The following ARHGEF7 variants were observed in gnomAD, a reference collection of about 807,000 sequenced individuals.
ARHGEF7 encodes PAK-interacting exchange factor beta.
Under a neutral mutation model 109.8 loss-of-function variants are expected in ARHGEF7, and 33 were observed. The ratio of observed to expected loss-of-function variants is 0.30; its 90% CI spans 0.23 to 0.40. The LOEUF is 0.40. ARHGEF7 is among the 10% of genes least tolerant of loss of function. The pLI is 1.00. For synonymous variants in ARHGEF7, 458 were observed against 424.6 expected (o/e 1.08, Z -0.97); for missense variants, 938 against 1,098.5 (o/e 0.85, Z 2.07).
chr13:111,186,679 GC>G (rs1397705452), intron 2 of ARHGEF7: 1 of 325,966 alleles, frequency 3.1e-6, no homozygotes, highest in Non-Finnish European at 4.4e-6. Context: ...TTTAAACTTT[GC>G]AAACCACACT....
chr13:111,166,164 T>G lies in ARHGEF7; in HGVS notation c.252+12173T>G, dbSNP rs530401055. Among the ~76,000 whole-genome samples, 17 of 152,326 alleles carry G rather than the reference T, an allele frequency of 1.1e-4. No homozygotes were observed. The East Asian group carries it at 3.3e-3, about 29-fold the overall frequency. ...GCTCCTGGCCAGTCTATCCTTGCTT[T>G]TCTCCAGACTGTTTTTTTCTGAAAC... On this transcript the variant is annotated intron_variant, in intron 2 of 21. Coordinates refer to ENST00000646102, the MANE Select transcript of ARHGEF7 (RefSeq NM_001354046.2).
chr13:111,302,957 A>T, intron 21 of ARHGEF7, 34 bp from the exon 22 acceptor site: 1 of 1,612,088 alleles, frequency 6.2e-7, no homozygotes, highest in Non-Finnish European at 8.5e-7. Flanking sequence ...GATGCCAAAG[A>T]TAGTGAACAC....
chr13:111,283,886 T>C (rs754581620), intron 16 of ARHGEF7, among the ~76,000 whole-genome samples: 2 of 152,266 alleles, frequency 1.3e-5, no homozygotes, highest in Non-Finnish European at 1.5e-5. Context: ...ATGCGGTCTT[T>C]GCTTGTCTCT....
intron 5 of ARHGEF7, among the ~76,000 whole-genome samples, chr13:111,231,985 T>C (rs897171122): frequency 3.9e-5 from 6 of 152,134 alleles, no homozygotes; most frequent in Non-Finnish European, 7.4e-5. Flanking sequence ...TCTGTAGCCC[T>C]GGAAAACCAG....
intron 2 of ARHGEF7, among the ~76,000 whole-genome samples, chr13:111,165,946 C>G (rs745443140): frequency 2.0e-5 from 3 of 152,142 alleles, no homozygotes; most frequent in Non-Finnish European, 4.4e-5. Context: ...CTGGGGAGAA[C>G]AATGGTGGTA....
chr13:111,275,474 C>T (rs754800673), intron 11 of ARHGEF7, 58 bp from the exon 12 acceptor site: 14 of 1,585,346 alleles, frequency 8.8e-6, no homozygotes, highest in African/African-American at 2.7e-5. Context: ...GCAATGTGGC[C>T]GGAACTTAAC....
rs2081716068 is a variant in ARHGEF7, at chr13:111,205,506, A to G, written c.337+133A>G. 12 of 587,784 alleles carry G rather than the reference A, an allele frequency of 2.0e-5. No individual in the cohort carries two copies. The South Asian group carries it at 3.2e-4, about 15-fold the overall frequency. 36.4% of individuals were successfully genotyped at this position (587,784 alleles called of 1,614,324 possible). On this transcript the variant is annotated intron_variant, in intron 3 of 21. Transcript: ENST00000646102. The stretch of plus-strand genomic sequence containing the variant: ...TAAGCTTTTGTTGCATTACGTTTTG[A>G]TTGTTCCTTTTGCTGTGATATTTTA...
At chr13:111,203,293 T>C in intron 2 of ARHGEF7, among the ~76,000 whole-genome samples, 1 of 152,246 alleles carries the variant, frequency 6.6e-6, no homozygotes, top group East Asian at 1.9e-4. Context: ...ATAAGGAAGC[T>C]GAGGCCTATT....
intron 2 of ARHGEF7, among the ~76,000 whole-genome samples, chr13:111,181,305 A>G (rs1013860344): frequency 1.5e-4 from 23 of 152,220 alleles, no homozygotes; most frequent in Admixed American, 1.2e-3. Flanking sequence ...TCCCAACTTC[A>G]AATTTTACAT....
At chr13:111,234,985 A>G (rs1395880781) in intron 6 of ARHGEF7, among the ~76,000 whole-genome samples, 1 of 152,176 alleles carries the variant, frequency 6.6e-6, no homozygotes, top group Non-Finnish European at 1.5e-5. Flanking sequence ...AGTTTTGTGT[A>G]CGTAGCTACA....
chr13:111,118,684 A>T (rs1026009993), intron 1 of ARHGEF7, among the ~76,000 whole-genome samples: 26 of 152,210 alleles, frequency 1.7e-4, no homozygotes, highest in African/African-American at 6.0e-4. Context: ...AAGGAGGTGA[A>T]ATCAAGATAC....
intron 13 of ARHGEF7, among the ~76,000 whole-genome samples, chr13:111,277,977 C>T (rs1279487934): frequency 1.3e-5 from 2 of 152,214 alleles, no homozygotes; most frequent in African/African-American, 2.4e-5. Flanking sequence ...ATACCTTGCT[C>T]CTCCTTGCTA....
chr13:111,261,540 G>T (rs1334156212), intron 8 of ARHGEF7, among the ~76,000 whole-genome samples: 1 of 152,110 alleles, frequency 6.6e-6, no homozygotes, highest in East Asian at 1.9e-4. Context: ...TTCAGCACTG[G>T]ACAGATCTTT....
At chr13:111,294,182 A>G (rs1338406481) in intron 19 of ARHGEF7, 2 of 985,340 alleles carry the variant, frequency 2.0e-6, no homozygotes, top group Non-Finnish European at 2.4e-6. Flanking sequence ...GAGAAATAAG[A>G]TAACTACAAA....
At chr13:111,161,194 G>A (rs2076714500) in intron 2 of ARHGEF7, among the ~76,000 whole-genome samples, 1 of 152,206 alleles carries the variant, frequency 6.6e-6, no homozygotes, top group African/African-American at 2.4e-5. Flanking sequence ...GTAGCACAGA[G>A]CATGCTTGTG....
Position 111,286,172 on chromosome 13 carries a change from T to C in ARHGEF7, c.1976T>C (p.Met659Thr). 1 of 1,614,008 alleles carries C rather than the reference T, an allele frequency of 6.2e-7. No individual in the cohort carries two copies. The highest frequency in any genetic ancestry group is 8.5e-7 in the Non-Finnish European group (1 of 1,179,958). Residue 659 changes from methionine to threonine, a missense_variant, in exon 17 of 22, where the codon ATG (methionine) becomes ACG (threonine). Coordinates refer to ENST00000646102, the MANE Select transcript of ARHGEF7 (RefSeq NM_001354046.2). ...KEDLSKSPKT[M>T]KKLLPKRKPE... ...GATCTTAGTAAGAGCCCTAAGACCA[T>C]GAAAAAGCTGCTGCCCAAGCGCAAA...
intron 1 of ARHGEF7, among the ~76,000 whole-genome samples, chr13:111,133,790 T>C (rs1330666808): frequency 1.0e-5 from 1 of 99,930 alleles, no homozygotes; most frequent in African/African-American, 4.6e-5. Flanking sequence ...TATATATATA[T>C]ATATATATAT....
chr13:111,115,764 C>T (rs1010343591), intron 1 of ARHGEF7, 73 bp downstream of exon 1: 22 of 940,048 alleles, frequency 2.3e-5, no homozygotes, highest in Admixed American at 1.1e-4. Flanking sequence ...GCGCGGAGCA[C>T]CTGAGGCCGG....
chr13:111,287,622 G>A (rs892759806), intron 17 of ARHGEF7, among the ~76,000 whole-genome samples: 3 of 152,248 alleles, frequency 2.0e-5, no homozygotes, highest in Admixed American at 1.3e-4. Flanking sequence ...GTGCCAGGGC[G>A]CCATTTGAGC....
Sources: gnomAD v4.1 joint callset for allele counts (sites outside exome capture counted in the v4.1 genomes callset) on GRCh38, gnomAD v4.1.1 for gene constraint, MANE v1.5 for transcripts, NCBI Gene and HGNC (gene_info 2026-07-23, HGNC 2026-07-21) for gene names.